The following WHRN variants were observed in gnomAD, a reference collection of about 807,000 sequenced individuals.
WHRN encodes CASK-interacting protein CIP98.
A neutral mutation model predicts 68.3 loss-of-function variants in WHRN; 41 were observed. The ratio of observed to expected loss-of-function variants is 0.60; its 90% confidence interval spans 0.47 to 0.78. The LOEUF is 0.78. Ranked by LOEUF, WHRN falls within the 30% of genes least tolerant of loss-of-function variation. The pLI, the probability that WHRN is intolerant of heterozygous loss-of-function variation, is 0.00. For synonymous variants in WHRN, 560 were observed against 561.3 expected (o/e 1.00, Z 0.03); for missense variants, 1,243 against 1,244.7 (o/e 1.00, Z 0.02).
chr9:114,453,554 A>C (rs1337082967), intron 3 of WHRN, among the ~76,000 whole-genome samples: 1 of 152,234 alleles, frequency 6.6e-6, no homozygotes, highest in Non-Finnish European at 1.5e-5. Context: ...ATAATGTCTT[A>C]ATATTTATAT....
chr9:114,495,713 G>A (rs1843398608), intron 1 of WHRN, among the ~76,000 whole-genome samples: 1 of 152,168 alleles, frequency 6.6e-6, no homozygotes, highest in South Asian at 2.1e-4. Context: ...GGATTGGAAG[G>A]ACTTGCAGGA....
intron 2 of WHRN, among the ~76,000 whole-genome samples, chr9:114,472,526 C>T (rs914195417): frequency 1.9e-4 from 29 of 152,190 alleles, no homozygotes; most frequent in Admixed American, 5.9e-4. Context: ...CTGCCCCACG[C>T]ACACACCACC....
At chr9:114,499,374 G>C (rs1260850816) in intron 1 of WHRN, among the ~76,000 whole-genome samples, 1 of 152,104 alleles carries the variant, frequency 6.6e-6, no homozygotes, top group African/African-American at 2.4e-5. Context: ...TCTTCCTCAG[G>C]AATTTAAAAA....
At position 114,402,840 on chromosome 9, in the gene WHRN, C is replaced by A; in HGVS notation, c.2638G>T (p.Ala880Ser). Residue 880 changes from alanine to serine, a missense_variant, in exon 12 of 12, where the codon GCC (alanine) becomes TCC (serine). Physicochemically the swap from Ala to Ser is moderately conservative, Grantham distance 99. Transcript: ENST00000362057. ...LTLRGKEHRE[A>S]ARIIAEAFKT... ...AAGGCCTCGGCGATAATGCGGGCGG[C>A]CTCCCGGTGCTCCTTGCCCCGAAGC... 1 of 1,614,120 alleles carries A rather than the reference C, an allele frequency of 6.2e-7. No individual in the cohort carries two copies. The highest frequency in any genetic ancestry group is 8.5e-7 in the Non-Finnish European group (1 of 1,180,034).
At chr9:114,487,185 A>T (rs1164837219) in intron 1 of WHRN, among the ~76,000 whole-genome samples, 1 of 142,246 alleles carries the variant, frequency 7.0e-6, no homozygotes, top group Non-Finnish European at 1.5e-5. Flanking sequence ...ATACCAAAAA[A>T]AAATTTTTTT....
chr9:114,436,538 A>T (rs1465474372), intron 3 of WHRN, among the ~76,000 whole-genome samples: 1 of 152,150 alleles, frequency 6.6e-6, no homozygotes, highest in Non-Finnish European at 1.5e-5. Context: ...CTAAAAAAAT[A>T]AATCTATTGG....
intron 7 of WHRN, among the ~76,000 whole-genome samples, chr9:114,408,671 G>C (rs1252696873): frequency 6.6e-6 from 1 of 152,210 alleles, no homozygotes; most frequent in Non-Finnish European, 1.5e-5. Flanking sequence ...CAGTTCTCTC[G>C]GCCCTAGAGC....
At chr9:114,409,330 G>A (rs961432316) in intron 7 of WHRN, among the ~76,000 whole-genome samples, 1 of 152,218 alleles carries the variant, frequency 6.6e-6, no homozygotes, top group Admixed American at 6.5e-5. Context: ...TGCAGAGAGA[G>A]CATCCAATGG....
chr9:114,502,856 T>A lies in WHRN; in HGVS notation c.618+1328A>T, dbSNP rs185417406. 3.9e-5 allele frequency among the ~76,000 whole-genome samples: 6 copies of A among 152,330 alleles called. No individual in the cohort carries two copies. The East Asian group carries it at 1.2e-3, about 29-fold the overall frequency. Reference sequence around the variant, plus strand: ...AGGCCAAGGCTAATGGACTACTTCTTTATAAATATATGGAATGCTAAACAA... The same window carrying A: ...AGGCCAAGGCTAATGGACTACTTCTATATAAATATATGGAATGCTAAACAA... On this transcript the variant is annotated intron_variant, in intron 1 of 11. Coordinates refer to ENST00000362057, the MANE Select transcript of WHRN (RefSeq NM_015404.4).
intron 3 of WHRN, among the ~76,000 whole-genome samples, chr9:114,445,656 G>A (rs1174637802): frequency 6.6e-6 from 1 of 152,102 alleles, no homozygotes; most frequent in African/African-American, 2.4e-5. Context: ...GGGTAGAGTG[G>A]GTCTAGGCCC....
At chr9:114,452,833 C>T (rs561076471) in intron 3 of WHRN, among the ~76,000 whole-genome samples, 32 of 152,324 alleles carry the variant, frequency 2.1e-4, no homozygotes, top group African/African-American at 7.0e-4. Flanking sequence ...CCATTTCACA[C>T]ATGGGGATGC....
intron 9 of WHRN, among the ~76,000 whole-genome samples, chr9:114,405,776 C>T (rs554361810): frequency 6.6e-6 from 1 of 152,250 alleles, no homozygotes; most frequent in Non-Finnish European, 1.5e-5. Flanking sequence ...CAACAAAATG[C>T]TCCCAACTCA....
At chr9:114,475,849 C>T (rs149509232) in intron 2 of WHRN, among the ~76,000 whole-genome samples, 19 of 152,202 alleles carry the variant, frequency 1.2e-4, no homozygotes, top group Middle Eastern at 3.4e-3. Flanking sequence ...AGGGTAGATG[C>T]GCCAGTCTGG....
chr9:114,428,816 C>A (rs1342283125), intron 3 of WHRN, among the ~76,000 whole-genome samples: 1 of 151,792 alleles, frequency 6.6e-6, no homozygotes, highest in African/African-American at 2.4e-5. Context: ...CGTCCTCCAC[C>A]CCCATCAGCC....
intron 3 of WHRN, among the ~76,000 whole-genome samples, chr9:114,439,941 G>A (rs1219692346): frequency 6.6e-6 from 1 of 152,178 alleles, no homozygotes. Flanking sequence ...TTGAGACGGA[G>A]TCTCTCTGTC....
chr9:114,442,075 A>C (rs1046518749), intron 3 of WHRN, among the ~76,000 whole-genome samples: 5 of 152,222 alleles, frequency 3.3e-5, no homozygotes, highest in Non-Finnish European at 7.3e-5. Flanking sequence ...CAAATAGAGA[A>C]ACATTCTACA....
rs1335228208 is a variant in WHRN, at chr9:114,402,701, A to T, written c.*53T>A. On this transcript the variant is annotated 3_prime_UTR_variant, in exon 12 of 12. Coordinates refer to ENST00000362057, the MANE Select transcript of WHRN (RefSeq NM_015404.4). ...GAGCTTGATGAAGCCAACGGTGGAA[A>T]GGGACTGGGACCAGGGGCTGGGCAG... 1.9e-6 allele frequency: 3 copies of T among 1,609,392 alleles called. No individual in the cohort carries two copies. Among genetic ancestry groups the T allele is most frequent in the East Asian group, 4.5e-5 (2 of 44,880 alleles).
chr9:114,494,269 A>G (rs998049699), intron 1 of WHRN, among the ~76,000 whole-genome samples: 1 of 152,262 alleles, frequency 6.6e-6, no homozygotes, highest in African/African-American at 2.4e-5. Flanking sequence ...GAAGAGCAGC[A>G]TCTGGTAGGA....
chr9:114,441,141 A>C (rs1040331242), intron 3 of WHRN, among the ~76,000 whole-genome samples: 7 of 152,228 alleles, frequency 4.6e-5, no homozygotes, highest in African/African-American at 1.7e-4. Flanking sequence ...GATTGTCTTC[A>C]TAACATTTTC....
Sources: allele counts gnomAD v4.1 joint callset (sites outside exome capture counted in the v4.1 genomes callset), GRCh38; gene constraint gnomAD v4.1.1; transcripts MANE v1.5; gene names NCBI Gene and HGNC (gene_info 2026-07-23, HGNC 2026-07-21).